The following UTRN variants were observed in gnomAD, a reference collection of about 807,000 sequenced individuals.
The protein encoded by UTRN is utrophin.
Under a neutral mutation model 463.9 loss-of-function variants are expected in UTRN, and 283 were observed. The ratio of observed to expected loss-of-function variants is 0.61; its 90% confidence interval spans 0.55 to 0.67. UTRN has a LOEUF of 0.67. Ranked by LOEUF, UTRN falls within the 30% of genes least tolerant of loss-of-function variation. The pLI, the probability that UTRN is intolerant of heterozygous loss-of-function variation, is 0.00. For missense variants in UTRN, 3,922 were observed against 4,084.3 expected (o/e 0.96, Z 1.08); for synonymous variants, 1,442 against 1,431.5 (o/e 1.01, Z -0.17).
intron 71 of UTRN, among the ~76,000 whole-genome samples, chr6:144,837,703 T>G (rs1320500297): frequency 6.6e-6 from 1 of 152,236 alleles, no homozygotes; most frequent in Non-Finnish European, 1.5e-5. Flanking sequence ...TTGCTCTCAG[T>G]CTTTTTAACT....
At chr6:144,595,152 A>G (rs950248545) in intron 51 of UTRN, among the ~76,000 whole-genome samples, 7 of 152,220 alleles carry the variant, frequency 4.6e-5, no homozygotes, top group African/African-American at 1.7e-4. Context: ...TACCCAAGTG[A>G]CATATCAGTC....
At chr6:144,710,480 G>A (rs1785562284) in intron 53 of UTRN, among the ~76,000 whole-genome samples, 3 of 152,202 alleles carry the variant, frequency 2.0e-5, no homozygotes, top group Admixed American at 1.3e-4. Context: ...TAGTGTAAAT[G>A]CCCCAGGCAC....
At chr6:144,445,351 C>CAAAAAAAAAAAAA (rs11419379) in intron 14 of UTRN, among the ~76,000 whole-genome samples, 2 of 106,500 alleles carry the variant, frequency 1.9e-5, no homozygotes, top group East Asian at 3.2e-4. Flanking sequence ...GACTCCCTCT[C>CAAAAAAAAAAAAA]AAAAAAAAAA....
In UTRN at chr6:144,499,304, G is replaced by C. The variant is rs763514158; in HGVS notation, c.4641G>C (p.Arg1547=). ...TGGAAAGAGCATCACAGTTGGCCCG[G>C]AAAATGAAGAAAGAGGCTGCTTCTC... is the stretch of plus-strand genomic sequence containing the variant. ...QDLERASQLA[R]KMKKEAASLS... The change falls in exon 34 of 75, where the codon CGG becomes CGC. Residue 1547 remains arginine, a synonymous_variant. Transcript: ENST00000367545. 3.3e-5 allele frequency: 53 copies of C among 1,613,340 alleles called. No individual in the cohort carries two copies. Among genetic ancestry groups the C allele is most frequent in the Non-Finnish European group, 4.4e-5 (52 of 1,179,574 alleles).
At chr6:144,351,919 C>G (rs1778142800) in intron 2 of UTRN, among the ~76,000 whole-genome samples, 1 of 152,166 alleles carries the variant, frequency 6.6e-6, no homozygotes, top group Non-Finnish European at 1.5e-5. Flanking sequence ...AGAAGCAACT[C>G]CTATCACACC....
chr6:144,666,184 A>C (rs996475875), intron 51 of UTRN, among the ~76,000 whole-genome samples: 8 of 152,322 alleles, frequency 5.3e-5, no homozygotes, highest in African/African-American at 1.9e-4. Flanking sequence ...ATGATCTGAC[A>C]GCCTCCCATG....
chr6:144,369,853 T>G (rs1241952184), intron 2 of UTRN, among the ~76,000 whole-genome samples: 1 of 152,208 alleles, frequency 6.6e-6, no homozygotes, highest in Admixed American at 6.5e-5. Flanking sequence ...GCAGTTCCCC[T>G]GCACATGGTC....
At chr6:144,642,145 T>C (rs908453094) in intron 51 of UTRN, among the ~76,000 whole-genome samples, 1 of 152,196 alleles carries the variant, frequency 6.6e-6, no homozygotes, top group Non-Finnish European at 1.5e-5. Flanking sequence ...GGTCTGAACT[T>C]CTCTTTTTAT....
At chr6:144,458,003 G>A (rs1386062975) in intron 19 of UTRN, among the ~76,000 whole-genome samples, 1 of 152,126 alleles carries the variant, frequency 6.6e-6, no homozygotes, top group Non-Finnish European at 1.5e-5. Context: ...TTAAGGGAAG[G>A]ACTATGATAA....
At chr6:144,587,669 T>A (rs1034548503) in intron 51 of UTRN, among the ~76,000 whole-genome samples, 20 of 152,234 alleles carry the variant, frequency 1.3e-4, no homozygotes, top group Non-Finnish European at 2.4e-4. Flanking sequence ...TTTCCCCACC[T>A]TTTTTTCACA....
chr6:144,516,765 T>C (rs1051723399), intron 38 of UTRN, 46 bp from the exon 39 acceptor site: 93 of 1,379,880 alleles, frequency 6.7e-5, no homozygotes, highest in Non-Finnish European at 8.5e-5. Flanking sequence ...AGTGACCTTA[T>C]GCATTTTTCT....
chr6:144,665,937 C>T (rs376120803), intron 51 of UTRN, among the ~76,000 whole-genome samples: 2 of 152,202 alleles, frequency 1.3e-5, no homozygotes, highest in South Asian at 2.1e-4. Context: ...CATGGCCCCT[C>T]TGTGCACATG....
In UTRN at chr6:144,479,865, G is replaced by A; in HGVS notation, c.3390G>A (p.Leu1130=). The change falls in exon 26 of 75, where the codon CTG becomes CTA. Residue 1130 remains leucine (L), a synonymous_variant. Coordinates refer to ENST00000367545, the MANE Select transcript of UTRN (RefSeq NM_007124.3). ...LSESQEKAAN[L]KKDLAEMQEW... Reference sequence around the variant, plus strand: ...AAAGTCAAGAAAAAGCTGCGAACCTGAAGAAAGACTTGGCAGAGATGCAGG... The same window carrying A: ...AAAGTCAAGAAAAAGCTGCGAACCTAAAGAAAGACTTGGCAGAGATGCAGG... 6.2e-7 allele frequency: 1 copy of A among 1,614,156 alleles called. No homozygotes were observed. The highest frequency in any genetic ancestry group is 8.5e-7 in the Non-Finnish European group (1 of 1,180,024).
chr6:144,834,084 A>G (rs1224834703), intron 69 of UTRN, among the ~76,000 whole-genome samples: 2 of 152,200 alleles, frequency 1.3e-5, no homozygotes, highest in Non-Finnish European at 2.9e-5. Context: ...TTCTCAGGAA[A>G]GGGAATCAAA....
At chr6:144,382,152 T>G (rs2114739918) in intron 2 of UTRN, among the ~76,000 whole-genome samples, 1 of 152,334 alleles carries the variant, frequency 6.6e-6, no homozygotes, top group East Asian at 1.9e-4. Context: ...ATGTCTTCTT[T>G]TATTTAAAGC....
At chr6:144,829,635 T>C (rs374871319) in intron 69 of UTRN, among the ~76,000 whole-genome samples, 2 of 151,932 alleles carry the variant, frequency 1.3e-5, no homozygotes, top group Admixed American at 6.6e-5. Context: ...CAAAGCTCTA[T>C]TGTGGTTTGG....
chr6:144,815,897 T>C (rs1779032216), intron 65 of UTRN, among the ~76,000 whole-genome samples: 1 of 152,036 alleles, frequency 6.6e-6, no homozygotes, highest in African/African-American at 2.4e-5. Context: ...TTCCAAGTAA[T>C]AAATGAAAAA....
At chr6:144,585,309 A>G (rs1414764057) in intron 51 of UTRN, among the ~76,000 whole-genome samples, 1 of 152,180 alleles carries the variant, frequency 6.6e-6, no homozygotes, top group Non-Finnish European at 1.5e-5. Flanking sequence ...TAAAATTTAC[A>G]TTATTTGCTG....
chr6:144,581,054 T>C (rs1363791904), intron 51 of UTRN, among the ~76,000 whole-genome samples: 1 of 152,154 alleles, frequency 6.6e-6, no homozygotes, highest in Non-Finnish European at 1.5e-5. Flanking sequence ...GGTTGCAAGT[T>C]AGCGGGAAAT....
Sources: allele counts gnomAD v4.1 joint callset (sites outside exome capture counted in the v4.1 genomes callset), GRCh38; gene constraint gnomAD v4.1.1; transcripts MANE v1.5; gene names NCBI Gene and HGNC (gene_info 2026-07-23, HGNC 2026-07-21).